PREX1: variants seen among roughly 807,000 people sequenced by gnomAD.
PREX1 encodes the protein phosphatidylinositol-3,4,5-trisphosphate dependent Rac exchange factor 1, also known as phosphatidylinositol 3,4,5-trisphosphate-dependent Rac exchanger 1 protein.
In PREX1, 41 loss-of-function variants were observed where a neutral mutation model predicts 198.3. The observed-to-expected ratio is 0.21, with a 90% CI of 0.16 to 0.27. The LOEUF is 0.27. PREX1 is among the 10% of genes least tolerant of loss of function. The pLI is 1.00. For missense variants in PREX1, 1,620 were observed against 2,200.7 expected (o/e 0.74, Z 5.28); for synonymous variants, 843 against 887.2 (o/e 0.95, Z 0.89).
intron 5 of PREX1, among the ~76,000 whole-genome samples, chr20:48,719,662 C>T (rs1195500885): frequency 6.6e-6 from 1 of 152,142 alleles, no homozygotes; most frequent in East Asian, 1.9e-4. Flanking sequence ...ATCAAAAGGA[C>T]AATTGTCCAA....
intron 4 of PREX1, 93 bp downstream of exon 4, chr20:48,734,453 G>T: frequency 9.3e-7 from 1 of 1,077,248 alleles, no homozygotes; most frequent in Non-Finnish European, 1.4e-6. Context: ...AAAGGATTTG[G>T]CACCATGGGG....
At chr20:48,761,640 G>T (rs1464936441) in intron 1 of PREX1, among the ~76,000 whole-genome samples, 2 of 152,178 alleles carry the variant, frequency 1.3e-5, no homozygotes, top group African/African-American at 2.4e-5. Context: ...GGGACACTGA[G>T]AGGAACCCAA....
Position 48,627,550 on chromosome 20 carries a change from C to T in PREX1, c.4935G>A (p.Pro1645=), listed in dbSNP as rs755223033. 17 of 1,613,784 alleles carry T rather than the reference C, an allele frequency of 1.1e-5. No homozygotes were observed. Among genetic ancestry groups the T allele is most frequent in the Admixed American group, 1.7e-5 (1 of 59,990 alleles). Residue 1645 remains proline, a splice_region_variant and synonymous_variant, in exon 39 of 40, where the codon CCG becomes CCA. Coordinates refer to ENST00000371941, the MANE Select transcript of PREX1 (RefSeq NM_020820.4). ...GGGCGGACGAGGCAGCCACTCACCGCGGAGCACCCTGGGGCATCTGGTCCT... is the reference window on the plus strand; with the variant it reads ...GGGCGGACGAGGCAGCCACTCACCGTGGAGCACCCTGGGGCATCTGGTCCT... ...RVKDQMPQGA[P]RLYRLCQPPV...
chr20:48,662,796 G>A (rs1287716717), intron 15 of PREX1, among the ~76,000 whole-genome samples: 5 of 152,182 alleles, frequency 3.3e-5, no homozygotes. Flanking sequence ...GGGAACAGAG[G>A]AGCAGGGTCA....
At chr20:48,819,068 T>C (rs1600534902) in intron 1 of PREX1, among the ~76,000 whole-genome samples, 1 of 152,148 alleles carries the variant, frequency 6.6e-6, no homozygotes. Context: ...GAGGGGACGG[T>C]ACACCCATTC....
intron 1 of PREX1, among the ~76,000 whole-genome samples, chr20:48,807,471 G>C (rs569847411): frequency 6.6e-6 from 1 of 152,238 alleles, no homozygotes; most frequent in Non-Finnish European, 1.5e-5. Context: ...CCATCCTAAT[G>C]AGACTTTTCT....
chr20:48,827,675 C>T lies in PREX1; in HGVS notation c.186G>A (p.Arg62=), dbSNP rs145415380. ...AGAAGCGCAAGGTGCCCACGTAGTC[C>T]CTCTCGGTGCCCAAGATCTCGTTGA... ...CVLNEILGTE[R]DYVGTLRFLQ... The change falls in exon 1 of 40, where the codon AGG becomes AGA. Residue 62 remains arginine, a synonymous_variant. Transcript: ENST00000371941. The surrounding 1 kb of genome is among the most constrained non-coding windows in gnomAD (Gnocchi z 4.1). 266 of 1,369,024 alleles carry T rather than the reference C, an allele frequency of 1.9e-4. No individual in the cohort carries two copies. Among genetic ancestry groups the T allele is most frequent in the Non-Finnish European group, 2.4e-4 (249 of 1,049,384 alleles). 84.8% of individuals were successfully genotyped at this position (1,369,024 alleles called of 1,614,324 possible). A position where few individuals can be genotyped will look rare whatever the true frequency, so the allele number is the denominator to read the frequency against.
In PREX1 at chr20:48,717,317, G is replaced by A. The variant is rs543789203; in HGVS notation, c.622-8896C>T. Among the ~76,000 whole-genome samples the A allele has an allele frequency of 2.0e-5, 3 of 152,238 alleles. 1 individual carries two copies. In the South Asian group the frequency reaches 6.2e-4, roughly 32 times the overall value. On this transcript the variant is annotated intron_variant, in intron 5 of 39. Transcript: ENST00000371941. The stretch of plus-strand genomic sequence containing the variant: ...GGGACACCTCAGCCAACTCCAGGAA[G>A]GGGCTGATCCTGCACTCAGTGACTT...
intron 7 of PREX1, among the ~76,000 whole-genome samples, chr20:48,696,696 T>A (rs1269714286): frequency 6.6e-6 from 1 of 152,054 alleles, no homozygotes. Flanking sequence ...TTATTGGAAT[T>A]GCACTGAGGT....
At chr20:48,791,135 CT>C (rs1198391058) in intron 1 of PREX1, among the ~76,000 whole-genome samples, 1 of 149,848 alleles carries the variant, frequency 6.7e-6, no homozygotes, top group Admixed American at 6.7e-5. Context: ...TGACTTGGAA[CT>C]GTGCAGATTC....
the PREX1 span, among the ~76,000 whole-genome samples, chr20:48,847,542 T>C: frequency 1.3e-5 from 2 of 152,180 alleles, no homozygotes; most frequent in Non-Finnish European, 2.9e-5. Flanking sequence ...GAGCAGCATA[T>C]AGAAGAAAAT....
At chr20:48,662,742 G>C (rs544788487) in intron 15 of PREX1, among the ~76,000 whole-genome samples, 1 of 152,198 alleles carries the variant, frequency 6.6e-6, no homozygotes, top group South Asian at 2.1e-4. Flanking sequence ...CACAATCCTG[G>C]AATTGGCCCT....
At chr20:48,848,248 C>CTTTTTTTTTT in the PREX1 span, among the ~76,000 whole-genome samples, 2 of 140,522 alleles carry the variant, frequency 1.4e-5, no homozygotes, top group Non-Finnish European at 1.6e-5. Context: ...TACATTTTTT[C>CTTTTTTTTTT]TTTTTTTTTT....
intron 14 of PREX1, among the ~76,000 whole-genome samples, chr20:48,667,565 G>T (rs1318538693): frequency 6.6e-6 from 1 of 152,238 alleles, no homozygotes; most frequent in African/African-American, 2.4e-5. Context: ...CTAGCTCCAT[G>T]CTTCTTGATA....
chr20:48,848,249 T>C, the PREX1 span, among the ~76,000 whole-genome samples: 1 of 133,286 alleles, frequency 7.5e-6, no homozygotes. Context: ...ACATTTTTTC[T>C]TTTTTTTTTT....
At chr20:48,873,940 G>A in the PREX1 span, among the ~76,000 whole-genome samples, 1 of 152,144 alleles carries the variant, frequency 6.6e-6, no homozygotes, top group South Asian at 2.1e-4. Context: ...CTGGATTACA[G>A]TGGGGCAATC....
chr20:48,642,626 G>A, intron 27 of PREX1, 137 bp from the exon 28 acceptor site: 8 of 745,128 alleles, frequency 1.1e-5, no homozygotes, highest in Non-Finnish European at 1.7e-5. Context: ...CCAGGTCCTG[G>A]CTGTGAGCCA....
At position 48,639,979 on chromosome 20, in the gene PREX1, C is replaced by T. The variant is rs924218792; in HGVS notation, c.3776-85G>A. 8 of 1,496,246 alleles carry T rather than the reference C, an allele frequency of 5.3e-6. No individual in the cohort carries two copies. The African/African-American group carries it at 1.1e-4, about 21-fold the overall frequency. 92.7% of individuals were successfully genotyped at this position (1,496,246 alleles called of 1,614,324 possible). ...TGGCACAAAGGCCTATGTCCCATCACAGATCCCAGAGCTCATAATCCTAGA... is the reference window on the plus strand; with the variant it reads ...TGGCACAAAGGCCTATGTCCCATCATAGATCCCAGAGCTCATAATCCTAGA... On this transcript the variant is annotated intron_variant, in intron 29 of 39. Transcript: ENST00000371941.
chr20:48,881,352 A>G, the PREX1 span, among the ~76,000 whole-genome samples: 13 of 152,230 alleles, frequency 8.5e-5, no homozygotes, highest in Non-Finnish European at 1.9e-4. Context: ...TCCTTTTAAT[A>G]AACTTGCTTT....
Sources: gnomAD v4.1 joint callset for allele counts (sites outside exome capture counted in the v4.1 genomes callset) on GRCh38, gnomAD v4.1.1 for gene constraint, Gnocchi (gnomAD v3.1) non-coding constraint, MANE v1.5 for transcripts, NCBI Gene and HGNC (gene_info 2026-07-23, HGNC 2026-07-21) for gene names.